Variants in ROBO2 observed in about 807,000 individuals in gnomAD.
ROBO2 encodes roundabout homolog 2.
In ROBO2, 53 loss-of-function variants were observed where a neutral mutation model predicts 160.8. That is an observed-to-expected ratio of 0.33 (90% CI 0.26 to 0.41). The LOEUF (loss-of-function observed/expected upper bound fraction) is 0.41, where lower values mean the gene tolerates loss of function less well. Among genes scored for constraint, ROBO2 ranks in the 10% least tolerant of loss-of-function variants. The pLI is 1.00. For missense variants in ROBO2, 1,577 were observed against 1,722.4 expected (o/e 0.92, Z 1.49); for synonymous variants, 664 against 611.7 (o/e 1.09, Z -1.26).
At chr3:77,175,130 G>A (rs1170545650) in intron 2 of ROBO2, among the ~76,000 whole-genome samples, 2 of 151,990 alleles carry the variant, frequency 1.3e-5, no homozygotes, top group African/African-American at 4.8e-5. Context: ...TGTGGAAACT[G>A]AGTCAAAGAA....
intron 2 of ROBO2, among the ~76,000 whole-genome samples, chr3:76,056,571 C>CA (rs1177998110): frequency 6.6e-6 from 1 of 151,064 alleles, no homozygotes; most frequent in Non-Finnish European, 1.5e-5. Context: ...GAGGAGTTTA[C>CA]AAAAAAAGAA....
chr3:77,623,256 G>C (rs568751112), intron 23 of ROBO2, among the ~76,000 whole-genome samples: 1 of 150,630 alleles, frequency 6.6e-6, no homozygotes, highest in Non-Finnish European at 1.5e-5. Context: ...TGTGTAGACC[G>C]AGCTACTACA....
chr3:76,513,327 G>GTATT (rs943543722), intron 2 of ROBO2, among the ~76,000 whole-genome samples: 8 of 151,906 alleles, frequency 5.3e-5, no homozygotes, highest in African/African-American at 9.7e-5. Context: ...GTTATTGTGG[G>GTATT]TATTTATTTA....
chr3:76,876,377 A>G (rs1364409891), intron 2 of ROBO2, among the ~76,000 whole-genome samples: 4 of 152,152 alleles, frequency 2.6e-5, no homozygotes, highest in African/African-American at 4.8e-5. Flanking sequence ...TTTGACTTAT[A>G]TAAAGAGTAT....
chr3:77,622,466 TA>T, intron 23 of ROBO2, 34 bp downstream of exon 24: 1 of 1,582,506 alleles, frequency 6.3e-7, no homozygotes, highest in Non-Finnish European at 8.7e-7. Context: ...AAAACTGACC[TA>T]TTGGTAACAT....
At chr3:77,610,757 A>G (rs1293930829) in intron 21 of ROBO2, among the ~76,000 whole-genome samples, 5 of 149,772 alleles carry the variant, frequency 3.3e-5, no homozygotes, top group Admixed American at 1.3e-4. Context: ...AAAAAAAAAA[A>G]AAAAAAAAAA....
At chr3:76,736,568 A>T (rs2093716832) in intron 2 of ROBO2, among the ~76,000 whole-genome samples, 1 of 152,232 alleles carries the variant, frequency 6.6e-6, no homozygotes, top group Non-Finnish European at 1.5e-5. Flanking sequence ...GCTTTGGAGG[A>T]TAAAAATAGA....
intron 2 of ROBO2, among the ~76,000 whole-genome samples, chr3:77,326,613 G>C (rs938449301): frequency 4.6e-5 from 7 of 152,122 alleles, no homozygotes; most frequent in Non-Finnish European, 1.5e-5. Context: ...ATGTGTCTTT[G>C]TATGTGAATG....
At chr3:76,446,390 A>G (rs2077183103) in intron 2 of ROBO2, among the ~76,000 whole-genome samples, 1 of 152,206 alleles carries the variant, frequency 6.6e-6, no homozygotes, top group African/African-American at 2.4e-5. Context: ...GAAATAGAAG[A>G]GGACACAAAC....
chr3:76,253,574 A>G (rs1349373817), intron 2 of ROBO2, among the ~76,000 whole-genome samples: 3 of 150,520 alleles, frequency 2.0e-5, no homozygotes, highest in African/African-American at 4.9e-5. Context: ...AACCTGGCCC[A>G]TGAGTAATAT....
At chr3:77,632,629 C>A in intron 23 of ROBO2, 1 of 1,535,414 alleles carries the variant, frequency 6.5e-7, no homozygotes, top group African/African-American at 1.4e-5. Context: ...TGGTTTTAGG[C>A]TGGATGGAAC....
chr3:76,163,935 G>A (rs932264105), intron 2 of ROBO2, among the ~76,000 whole-genome samples: 2 of 152,050 alleles, frequency 1.3e-5, no homozygotes, highest in African/African-American at 4.8e-5. Flanking sequence ...CACATTAATT[G>A]ACTCCTTCTT....
At chr3:76,640,220 A>G (rs577522329) in intron 2 of ROBO2, among the ~76,000 whole-genome samples, 2 of 152,312 alleles carry the variant, frequency 1.3e-5, no homozygotes, top group South Asian at 4.1e-4. Flanking sequence ...TTTAATATGT[A>G]AACAGATAGA....
intron 13 of ROBO2, among the ~76,000 whole-genome samples, chr3:77,571,295 A>G (rs1337846852): frequency 2.0e-5 from 3 of 152,038 alleles, no homozygotes; most frequent in Non-Finnish European, 4.4e-5. Flanking sequence ...GAAAATGGAA[A>G]AGGTAAATAT....
intron 2 of ROBO2, among the ~76,000 whole-genome samples, chr3:76,517,221 G>C (rs2081385874): frequency 6.6e-6 from 1 of 152,156 alleles, no homozygotes; most frequent in South Asian, 2.1e-4. Context: ...ATATATGTGA[G>C]TGTTTAATGA....
rs116766923 is a variant in ROBO2 at position 76,943,224 on chromosome 3, C to G, written c.110-154790C>G. On this transcript the variant is annotated intron_variant, in intron 2 of 26. Coordinates refer to the ROBO2 transcript ENST00000487694. ...TATCATTGCTTGTTGAAAGAGCTAC[C>G]TCAGAGGACTGGCATTTGCGCTGGG... 2.7e-4 allele frequency among the ~76,000 whole-genome samples: 41 copies of G among 152,272 alleles called. 1 individual carries two copies. The South Asian group carries it at 8.5e-3, about 32-fold the overall frequency.
At chr3:76,030,352 C>T (rs550153430) in intron 2 of ROBO2, among the ~76,000 whole-genome samples, 1 of 152,282 alleles carries the variant, frequency 6.6e-6, no homozygotes, top group South Asian at 2.1e-4. Context: ...TTTTGCTGGG[C>T]AGAAGCTCTT....
chr3:76,794,928 A>C (rs753204107), intron 2 of ROBO2, among the ~76,000 whole-genome samples: 1 of 151,996 alleles, frequency 6.6e-6, no homozygotes, highest in African/African-American at 2.4e-5. Context: ...GTCTGATACA[A>C]ATGTGCAGGC....
At chr3:76,200,522 C>A (rs1702470883) in intron 2 of ROBO2, among the ~76,000 whole-genome samples, 1 of 152,066 alleles carries the variant, frequency 6.6e-6, no homozygotes, top group South Asian at 2.1e-4. Flanking sequence ...TATTCTGGTA[C>A]CTTGCACCAA....
Sources: gnomAD v4.1 joint callset for allele counts (sites outside exome capture counted in the v4.1 genomes callset) on GRCh38, gnomAD v4.1.1 for gene constraint, MANE v1.5 for transcripts, NCBI Gene and HGNC (gene_info 2026-07-23, HGNC 2026-07-21) for gene names.